Variants in SLC26A4 observed in about 807,000 individuals in gnomAD.
SLC26A4 encodes the protein solute carrier family 26 member 4.
SLC26A4 carries 93 observed loss-of-function variants against 90.4 expected under a neutral mutation model. The ratio of observed to expected loss-of-function variants is 1.03; its 90% CI spans 0.87 to 1.22. The LOEUF (loss-of-function observed/expected upper bound fraction) is 1.22, where lower values mean the gene tolerates loss of function less well. Ranked by LOEUF, SLC26A4 falls within the 50% of genes most tolerant of loss-of-function variation. The pLI is 0.00. For missense variants in SLC26A4, 1,127 were observed against 946.2 expected (o/e 1.19, Z -2.51); for synonymous variants, 393 against 354.6 (o/e 1.11, Z -1.22).
In SLC26A4 at chr7:107,674,199, G is replaced by A; in HGVS notation, c.451G>A (p.Val151Ile). The change falls in exon 5 of 21, where the codon GTT becomes ATT. Residue 151 changes from valine (V) to isoleucine (I), a missense_variant. Transcript: ENST00000644269. ...AGTGGTGAGTTTAATGGTGGGATCT[G>A]TTGTTCTGAGCATGGCCCCCGACGA... Reference protein sequence around the residue: ...FPVVSLMVGSVVLSMAPDEHF... With the variant: ...FPVVSLMVGSIVLSMAPDEHF... 6.2e-7 allele frequency: 1 copy of A among 1,614,126 alleles called. No homozygotes were observed. Among genetic ancestry groups the A allele is most frequent in the Non-Finnish European group, 8.5e-7 (1 of 1,180,026 alleles).
chr7:107,693,003 C>A (rs1791619073), intron 10 of SLC26A4: 1 of 152,296 alleles, frequency 6.6e-6, no homozygotes, highest in Non-Finnish European at 1.5e-5. Context: ...CCCCAAATCT[C>A]CATATCTTTC....
chr7:107,713,385 G>A (rs571690859), intron 20 of SLC26A4, among the ~76,000 whole-genome samples: 1 of 152,300 alleles, frequency 6.6e-6, no homozygotes, highest in South Asian at 2.1e-4. Flanking sequence ...TGTTACTTGT[G>A]CTTACAGAAC....
In SLC26A4 at chr7:107,693,255, C is replaced by A. The variant is rs1584328518; in HGVS notation, c.1264-1148C>A. 4 of 979,810 alleles carry A rather than the reference C, an allele frequency of 4.1e-6. No individual in the cohort carries two copies. In the African/African-American group the frequency reaches 5.2e-5, roughly 13 times the overall value. The allele number at this position is 979,810 out of a possible 1,614,324, so 60.7% of individuals were successfully genotyped here. ...GAAAGAGCACCAGGGTACTGGGAAT[C>A]TAGGATGGGGATAGGAAGAGCATAG... On this transcript the variant is annotated intron_variant, in intron 10 of 20. Coordinates refer to ENST00000644269, the MANE Select transcript of SLC26A4 (RefSeq NM_000441.2).
In SLC26A4 at chr7:107,713,142, G is replaced by A. The variant is rs138966088; in HGVS notation, c.2319+520G>A. 1.4e-3 allele frequency among the ~76,000 whole-genome samples: 212 copies of A among 152,316 alleles called. 1 individual carries two copies. The highest frequency in any genetic ancestry group is 4.9e-3 in the African/African-American group (202 of 41,570). On this transcript the variant is annotated intron_variant, in intron 20 of 20. Coordinates refer to ENST00000644269, the MANE Select transcript of SLC26A4 (RefSeq NM_000441.2). The stretch of plus-strand genomic sequence containing the variant: ...ACTTGTCTGAACTTGTAGCATCTGA[G>A]TAAATTTTGCAGCTTCGCCACTGGA...
intron 6 of SLC26A4, among the ~76,000 whole-genome samples, chr7:107,681,984 C>T (rs1466858534): frequency 6.6e-6 from 1 of 150,428 alleles, no homozygotes; most frequent in East Asian, 2.0e-4. Context: ...GTACTCTCTA[C>T]AATAAATAAA....
At position 107,661,725 on chromosome 7, in the gene SLC26A4, C is replaced by A. The variant is rs539699299; in HGVS notation, c.84C>A (p.Ser28Arg). The A allele has an allele frequency of 5.8e-6, 9 of 1,558,586 alleles. No individual in the cohort carries two copies. Among genetic ancestry groups the A allele is most frequent in the East Asian group, 2.4e-5 (1 of 42,318 alleles). ...CSYMVSRPVY[S>R]ELAFQQQHER... is the part of the protein sequence containing the mutation. ...ACATGGTGTCGCGGCCGGTCTACAGCGAGCTCGCTTTCCAGCAACAGCACG... is the reference window on the plus strand; with the variant it reads ...ACATGGTGTCGCGGCCGGTCTACAGAGAGCTCGCTTTCCAGCAACAGCACG... The change falls in exon 2 of 21, where the codon AGC becomes AGA. Residue 28 changes from serine to arginine, a missense_variant. By Grantham distance (110) the Ser-to-Arg change is moderately radical (BLOSUM62 -1). Transcript: ENST00000644269. This position sits in a 1 kb window ranked among gnomAD's most constrained non-coding sequence, Gnocchi z 5.1.
At chr7:107,702,608 G>C (rs1456955222) in intron 17 of SLC26A4, among the ~76,000 whole-genome samples, 1 of 148,972 alleles carries the variant, frequency 6.7e-6, no homozygotes, top group African/African-American at 2.5e-5. Context: ...AGAATCGCTT[G>C]AACCCGGGAG....
intron 2 of SLC26A4, among the ~76,000 whole-genome samples, chr7:107,662,942 C>T (rs531395456): frequency 1.9e-4 from 29 of 152,188 alleles, no homozygotes; most frequent in Admixed American, 6.5e-5. Context: ...AATAATAAGG[C>T]GCCTGGATTA....
chr7:107,696,080 C>A (rs1483800460), intron 13 of SLC26A4, 41 bp downstream of exon 13: 2 of 1,083,922 alleles, frequency 1.8e-6, no homozygotes, highest in Non-Finnish European at 2.9e-6. Context: ...AACAGAACAA[C>A]ACACTCTGAG....
intron 8 of SLC26A4, among the ~76,000 whole-genome samples, chr7:107,685,061 T>TTGACAGA (rs1791357435): frequency 6.6e-6 from 1 of 152,164 alleles, no homozygotes; most frequent in Admixed American, 6.5e-5. Context: ...GCTGAATCCT[T>TTGACAGA]TGACAGACCA....
chr7:107,703,068 A>T (rs939269381), intron 17 of SLC26A4, among the ~76,000 whole-genome samples: 4 of 152,184 alleles, frequency 2.6e-5, no homozygotes, highest in African/African-American at 9.7e-5. Context: ...TGTACTGAGC[A>T]CTCTGCCAGG....
chr7:107,661,435 A>C lies in SLC26A4; in HGVS notation c.-3-204A>C, dbSNP rs926351955. The C allele has an allele frequency of 6.4e-6, 4 of 620,510 alleles. No homozygotes were observed. The highest frequency in any genetic ancestry group is 4.3e-4 in the Middle Eastern group (1 of 2,304). The allele number at this position is 620,510 out of a possible 1,614,324, so 38.4% of individuals were successfully genotyped here. ...CAGGCCACGAGACCCGAAGGTTCTCAGGTGCCCCCCTGCAGGCTGGCCGTG... is the reference window on the plus strand; with the variant it reads ...CAGGCCACGAGACCCGAAGGTTCTCCGGTGCCCCCCTGCAGGCTGGCCGTG... On this transcript the variant is annotated intron_variant, in intron 1 of 20. Coordinates refer to ENST00000644269, the MANE Select transcript of SLC26A4 (RefSeq NM_000441.2). The surrounding 1 kb of genome is among the most constrained non-coding windows in gnomAD (Gnocchi z 5.1).
chr7:107,661,820 G>T lies in SLC26A4; in HGVS notation c.164+15G>T. On this transcript the variant is annotated intron_variant, in intron 2 of 20. Transcript: ENST00000644269. The surrounding 1 kb of genome is among the most constrained non-coding windows in gnomAD (Gnocchi z 5.1). ...AAGTGCTGCAGGTAGCGGCCGCGCG[G>T]GCCTGCGTAGAGAGAAGCGGAGCGG... 1 of 1,533,540 alleles carries T rather than the reference G, an allele frequency of 6.5e-7. No homozygotes were observed. 95.0% of individuals were successfully genotyped at this position (1,533,540 alleles called of 1,614,324 possible).
rs1790626770 is a variant in SLC26A4 at position 107,663,505 on chromosome 7, G to A, written c.304+70G>A. ...TAACACTTCTCCCCAGCTACCATAG[G>A]TCTGTGACAGATGGTTGCTTACCCT... On this transcript the variant is annotated intron_variant, in intron 3 of 20. Transcript: ENST00000644269. The A allele has an allele frequency of 1.9e-6, 3 of 1,547,084 alleles. No individual in the cohort carries two copies. The East Asian group carries it at 6.7e-5, about 35-fold the overall frequency.
rs1327483868 is a variant in SLC26A4 at position 107,675,311 on chromosome 7, GAAAGA to G, written c.765+216_765+220del. 2.4e-4 allele frequency among the ~76,000 whole-genome samples: 34 copies of G among 141,628 alleles called. 1 individual carries two copies. The East Asian group carries it at 6.4e-3, about 27-fold the overall frequency. 92.9% of individuals were successfully genotyped at this position (141,628 alleles called of 152,430 possible). On this transcript the variant is annotated intron_variant, in intron 6 of 20. Coordinates refer to ENST00000644269, the MANE Select transcript of SLC26A4 (RefSeq NM_000441.2). ...AAAAAAAAAAAAAAAAAAAAAGAAA[GAAAGA>G]AAAGAAAAGAAAAAGAAAGAAAAAA...
intron 6 of SLC26A4, among the ~76,000 whole-genome samples, chr7:107,682,825 G>A (rs771289759): frequency 1.3e-5 from 2 of 152,018 alleles, no homozygotes; most frequent in Non-Finnish European, 2.9e-5. Context: ...ATATAAACTT[G>A]TAAAGCATTT....
intron 3 of SLC26A4, among the ~76,000 whole-genome samples, chr7:107,668,334 C>T (rs1414994263): frequency 2.6e-5 from 4 of 152,064 alleles, no homozygotes; most frequent in Non-Finnish European, 5.9e-5. Context: ...GAAAGTGGAT[C>T]GGTTAATTAA....
chr7:107,690,620 G>A (rs746497313), intron 10 of SLC26A4, among the ~76,000 whole-genome samples: 1 of 152,124 alleles, frequency 6.6e-6, no homozygotes, highest in Non-Finnish European at 1.5e-5. Flanking sequence ...CTATTTTCAG[G>A]AAAGTGAAAA....
At chr7:107,683,637 C>T (rs1280754909) in intron 8 of SLC26A4, 100 bp downstream of exon 8, 2 of 883,804 alleles carry the variant, frequency 2.3e-6, no homozygotes, top group East Asian at 2.6e-5. Flanking sequence ...TTCACTGATA[C>T]TCCTTCAATA....
Sources: allele counts gnomAD v4.1 joint callset (sites outside exome capture counted in the v4.1 genomes callset), GRCh38; gene constraint gnomAD v4.1.1; non-coding constraint Gnocchi (gnomAD v3.1); transcripts MANE v1.5; gene names NCBI Gene and HGNC (gene_info 2026-07-23, HGNC 2026-07-21).